The following RASA4 variants were observed in gnomAD, a reference collection of about 807,000 sequenced individuals.
The protein encoded by RASA4 is ras GTPase-activating protein 4.
RASA4 carries 5 observed loss-of-function variants against 24.0 expected under a neutral mutation model. The ratio of observed to expected loss-of-function variants is 0.21; its 90% CI spans 0.11 to 0.44. The LOEUF (loss-of-function observed/expected upper bound fraction) is 0.44. Ranked by LOEUF, RASA4 falls within the 20% of genes least tolerant of loss-of-function variation. The probability of loss-of-function intolerance (pLI) is 0.99; values close to 1 mark genes in which losing one functional copy is unlikely to be tolerated. For synonymous variants in RASA4, 9 were observed against 132.7 expected, an observed-to-expected ratio of 0.07 and a Z score of 6.41; for missense variants, 38 against 293.0, an observed-to-expected ratio of 0.13 and a Z score of 6.35.
At chr7:102,611,997 C>T (rs1477215632) in intron 1 of RASA4, 2 of 122,548 alleles carry the variant, frequency 1.6e-5, no homozygotes, top group African/African-American at 6.0e-5. Context: ...TGCCTCCCCC[C>T]AGAACAGCTC....
intron 16 of RASA4, among the ~76,000 whole-genome samples, chr7:102,590,715 C>T (rs1364461222): frequency 6.9e-6 from 1 of 145,162 alleles, no homozygotes; most frequent in South Asian, 2.1e-4. Context: ...CCGAGGAAGG[C>T]GGATCACCTG....
intron 5 of RASA4, among the ~76,000 whole-genome samples, chr7:102,604,439 C>T: frequency 6.6e-6 from 1 of 152,256 alleles, no homozygotes. Context: ...GAGGGGAGGG[C>T]CAGGGAGACA....
At chr7:102,606,477 A>G (rs1790674044) in intron 4 of RASA4, among the ~76,000 whole-genome samples, 2 of 107,046 alleles carry the variant, frequency 1.9e-5, no homozygotes, top group African/African-American at 6.6e-5. Context: ...ACCTCAAGCA[A>G]TCCTCCCACC....
At chr7:102,591,004 T>A (rs115291605) in intron 16 of RASA4, among the ~76,000 whole-genome samples, 22 of 138,734 alleles carry the variant, frequency 1.6e-4, no homozygotes, top group African/African-American at 5.7e-4. Context: ...CTTTCAACCC[T>A]GGCAAGGAAG....
At chr7:102,591,119 C>CA (rs1176842850) in intron 16 of RASA4, among the ~76,000 whole-genome samples, 145 of 87,980 alleles carry the variant, frequency 1.6e-3, no homozygotes, top group African/African-American at 5.5e-3. Context: ...CCCATCTCCG[C>CA]AAAAAAAAAA....
In RASA4 at chr7:102,580,796, C is replaced by G. The variant is rs1252388880; in HGVS notation, c.*1975G>C. On this transcript the variant is annotated 3_prime_UTR_variant, in exon 21 of 21. Coordinates refer to ENST00000262940, the MANE Select transcript of RASA4 (RefSeq NM_006989.6). ...GGCAGAGGTTGCAGTGAACCAAGAT[C>G]AAGCCATTTGCACTCCAGCCTGGGC... 21 of 57,810 alleles carry G rather than the reference C, an allele frequency of 3.6e-4. No homozygotes were observed. Among genetic ancestry groups the G allele is most frequent in the African/African-American group, 9.8e-4 (21 of 21,480 alleles). The allele number at this position is 57,810 out of a possible 1,614,324, so 3.6% of individuals were successfully genotyped here.
chr7:102,614,244 AC>A (rs1411753534), intron 1 of RASA4, among the ~76,000 whole-genome samples: 3 of 133,664 alleles, frequency 2.2e-5, no homozygotes, highest in Non-Finnish European at 3.3e-5. Flanking sequence ...GCTCAGTCTC[AC>A]TGAGCCCAGC....
intron 8 of RASA4, 127 bp downstream of exon 8, chr7:102,599,733 C>A (rs1251911412): frequency 1.3e-5 from 3 of 236,948 alleles, no homozygotes; most frequent in Non-Finnish European, 2.4e-5. Flanking sequence ...GCTGAGGGGA[C>A]CCTGGAGCTG....
chr7:102,599,712 GGTGGGCAGGGGCTGAGGGGACCCT>G (rs1341329849), intron 8 of RASA4, 124 bp downstream of exon 8: 1 of 287,334 alleles, frequency 3.5e-6, no homozygotes, highest in African/African-American at 2.3e-5. Flanking sequence ...ATGCTGGCTA[GGTGGGCAGGGGCTGAGGGGACCCT>G]GGAGCTGTGT....
intron 5 of RASA4, among the ~76,000 whole-genome samples, chr7:102,605,087 GA>G (rs1486852373): frequency 2.9e-5 from 4 of 138,856 alleles, no homozygotes; most frequent in Non-Finnish European, 6.6e-5. Context: ...CTCCTTGGGG[GA>G]ACCCTCAATT....
At chr7:102,606,743 C>A (rs1483913242) in intron 4 of RASA4, among the ~76,000 whole-genome samples, 264 of 79,804 alleles carry the variant, frequency 3.3e-3, no homozygotes, top group Middle Eastern at 7.7e-3. Context: ...GACCTCAAGC[C>A]ATCCTCCCAC....
At chr7:102,609,995 TG>T (rs1790767438) in intron 2 of RASA4, among the ~76,000 whole-genome samples, 1 of 102,550 alleles carries the variant, frequency 9.8e-6, no homozygotes. Context: ...TTGGGGAAAC[TG>T]AGATCACAGT....
intron 16 of RASA4, among the ~76,000 whole-genome samples, chr7:102,590,846 A>G (rs1197346951): frequency 5.6e-5 from 8 of 141,620 alleles, no homozygotes; most frequent in African/African-American, 1.7e-4. Flanking sequence ...AGGCTGAGGC[A>G]GGAGAATCGC....
At chr7:102,591,690 T>A (rs867010299) in intron 16 of RASA4, among the ~76,000 whole-genome samples, 60 of 146,954 alleles carry the variant, frequency 4.1e-4, no homozygotes, top group Non-Finnish European at 7.0e-4. Flanking sequence ...CTCCTACTCA[T>A]CTAGCAGCCC....
At chr7:102,599,754 C>T in intron 8 of RASA4, 106 bp downstream of exon 8, 1 of 158,474 alleles carries the variant, frequency 6.3e-6, no homozygotes, top group African/African-American at 3.0e-5. Flanking sequence ...TGTCTCCTGA[C>T]CTCTCACCCT....
chr7:102,605,917 C>A lies in RASA4; in HGVS notation c.369G>T (p.Arg123=). 1 of 1,594,418 alleles carries A rather than the reference C, an allele frequency of 6.3e-7. No homozygotes were observed. Among genetic ancestry groups the A allele is most frequent in the Non-Finnish European group, 8.5e-7 (1 of 1,170,098 alleles). ...DEEVQGEIHL[R]LEVWPGARAC... is the part of the protein sequence containing the mutation. ...CCCGGGCCCCTGGCCACACTTCCAGCCGCAGGTGGATCTCGCCCTGCACCT... is the reference window on the plus strand; with the variant it reads ...CCCGGGCCCCTGGCCACACTTCCAGACGCAGGTGGATCTCGCCCTGCACCT... The change falls in exon 5 of 21, where the codon CGG becomes CGT. Residue 123 remains arginine, a synonymous_variant. Coordinates refer to ENST00000262940, the MANE Select transcript of RASA4 (RefSeq NM_006989.6).
intron 5 of RASA4, among the ~76,000 whole-genome samples, chr7:102,603,858 A>AACC (rs1790484019): frequency 9.9e-6 from 1 of 101,470 alleles, no homozygotes; most frequent in Non-Finnish European, 2.2e-5. Context: ...AAAAAAAAAA[A>AACC]AACCACCAAA....
intron 4 of RASA4, among the ~76,000 whole-genome samples, chr7:102,606,395 CAAAAAAA>C (rs555519087): frequency 2.9e-3 from 158 of 55,384 alleles, no homozygotes; most frequent in Non-Finnish European, 4.8e-3. Context: ...GACCCCATCT[CAAAAAAA>C]AAAAAAAAAA....
chr7:102,610,317 C>T (rs1790782566), intron 2 of RASA4, among the ~76,000 whole-genome samples: 1 of 123,226 alleles, frequency 8.1e-6, no homozygotes, highest in African/African-American at 2.9e-5. Context: ...GGCTGGGAGC[C>T]TGCTTGCAGG....
Sources: gnomAD v4.1 joint callset for allele counts (sites outside exome capture counted in the v4.1 genomes callset) on GRCh38, gnomAD v4.1.1 for gene constraint, MANE v1.5 for transcripts, NCBI Gene and HGNC (gene_info 2026-07-23, HGNC 2026-07-21) for gene names.